GALC: variants seen among roughly 807,000 people sequenced by gnomAD.
GALC encodes the protein galactosylceramidase.
Under a neutral mutation model 91.8 loss-of-function variants are expected in GALC, and 77 were observed. The observed-to-expected ratio is 0.84, with a 90% CI of 0.70 to 1.01. The LOEUF (loss-of-function observed/expected upper bound fraction) is 1.01, where lower values mean the gene tolerates loss of function less well. Ranked by LOEUF, GALC falls within the 50% of genes least tolerant of loss-of-function variation. The probability of loss-of-function intolerance (pLI) is 0.00; values close to 1 mark genes in which losing one functional copy is unlikely to be tolerated. For missense variants in GALC, 882 were observed against 855.9 expected (o/e 1.03, Z -0.38); for synonymous variants, 357 against 306.7 (o/e 1.16, Z -1.71).
chr14:87,958,403 C>T (rs542011491), intron 10 of GALC, among the ~76,000 whole-genome samples: 1 of 152,128 alleles, frequency 6.6e-6, no homozygotes, highest in African/African-American at 2.4e-5. Flanking sequence ...ATATTGTTAA[C>T]ACAGCCATAT....
At chr14:87,984,586 C>T in intron 4 of GALC, 53 bp from the exon 5 acceptor site, 1 of 1,601,320 alleles carries the variant, frequency 6.2e-7, no homozygotes, top group South Asian at 1.1e-5. Flanking sequence ...GGTGCTGGCG[C>T]TATTGAAAAT....
At chr14:87,947,012 C>T (rs1885099766) in intron 13 of GALC, among the ~76,000 whole-genome samples, 2 of 151,920 alleles carry the variant, frequency 1.3e-5, no homozygotes, top group South Asian at 2.1e-4. Flanking sequence ...GATGCTCCAG[C>T]AATGCCAGCT....
intron 16 of GALC, among the ~76,000 whole-genome samples, chr14:87,935,098 A>T (rs390474): frequency 6.6e-6 from 1 of 152,026 alleles, no homozygotes; most frequent in Non-Finnish European, 1.5e-5. Context: ...TCGTTCCCAA[A>T]GTACAAGGAA....
chr14:87,974,759 T>C (rs1164378727), intron 7 of GALC, among the ~76,000 whole-genome samples: 1 of 151,742 alleles, frequency 6.6e-6, no homozygotes, highest in Non-Finnish European at 1.5e-5. Flanking sequence ...CCCAAAAAAA[T>C]GTAAATAATA....
chr14:87,935,836 G>C (rs1884546518), intron 16 of GALC, among the ~76,000 whole-genome samples: 1 of 151,988 alleles, frequency 6.6e-6, no homozygotes, highest in Non-Finnish European at 1.5e-5. Flanking sequence ...TGGAAACACT[G>C]AGGCTTAATA....
In GALC at chr14:87,993,102, C is replaced by T. The variant is rs756641128; in HGVS notation, c.63G>A (p.Ala21=). 17 of 1,587,670 alleles carry T rather than the reference C, an allele frequency of 1.1e-5. No homozygotes were observed. Among genetic ancestry groups the T allele is most frequent in the Admixed American group, 1.8e-5 (1 of 56,622 alleles). The change falls in exon 1 of 17, where the codon GCG becomes GCA. Residue 21 remains alanine (A), a synonymous_variant. Transcript: ENST00000261304. ...QRRAKAMTAA[A]GSAGRAAVPL... The stretch of plus-strand genomic sequence containing the variant: ...GCACCGCGGCGCGGCCCGCCGAACC[C>T]GCGGCCGCAGTCATAGCTTTCGCTC...
At chr14:87,959,329 T>C (rs1885698645) in intron 10 of GALC, among the ~76,000 whole-genome samples, 1 of 152,090 alleles carries the variant, frequency 6.6e-6, no homozygotes, top group Non-Finnish European at 1.5e-5. Flanking sequence ...AAACAAGTGT[T>C]GGTGAGGATG....
intron 14 of GALC, among the ~76,000 whole-genome samples, chr14:87,945,316 G>T (rs577506485): frequency 6.6e-6 from 1 of 152,002 alleles, no homozygotes; most frequent in African/African-American, 2.4e-5. Context: ...GAATCAAATT[G>T]CTCCTGTAAT....
chr14:87,952,989 C>A, intron 10 of GALC: 1 of 1,013,422 alleles, frequency 9.9e-7, no homozygotes, highest in Non-Finnish European at 1.6e-6. Flanking sequence ...AAATTTGTTT[C>A]AGTTAGACCA....
In GALC at chr14:87,947,623, G is replaced by A. The variant is rs942715368; in HGVS notation, c.1489+105C>T. On this transcript the variant is annotated intron_variant, in intron 13 of 16. Transcript: ENST00000261304. ...TATGAGATGTAGGAGGTAAATGAAT[G>A]TGCTTTTGACAGCCACTCCATCATG... 4.7e-6 allele frequency: 5 copies of A among 1,071,182 alleles called. No individual in the cohort carries two copies. The African/African-American group carries it at 7.8e-5, about 17-fold the overall frequency. The allele number at this position is 1,071,182 out of a possible 1,614,324, so 66.4% of individuals were successfully genotyped here. A position where few individuals can be genotyped will look rare whatever the true frequency, so the allele number is the denominator to read the frequency against.
At chr14:87,947,659 G>C (rs1885125957) in intron 13 of GALC, 69 bp downstream of exon 13, 4 of 1,454,290 alleles carry the variant, frequency 2.8e-6, no homozygotes, top group Admixed American at 3.4e-5. Flanking sequence ...CACCCAGTTT[G>C]ACAGGTAGAA....
intron 1 of GALC, chr14:87,989,531 G>A (rs75954997): frequency 0.11 from 17,217 of 152,142 alleles, 1,148 homozygotes; most frequent in Non-Finnish European, 0.16. Context: ...TGAACTTGCT[G>A]TCTCAGTAAC....
At chr14:87,940,072 G>T in intron 15 of GALC, 91 bp from the exon 16 acceptor site, 2 of 991,018 alleles carry the variant, frequency 2.0e-6, no homozygotes, top group Non-Finnish European at 3.2e-6. Context: ...AGTGGCATCT[G>T]TATGTAGTAA....
intron 6 of GALC, chr14:87,980,487 T>A (rs1007413057): frequency 1.0e-6 from 1 of 982,602 alleles, no homozygotes; most frequent in Admixed American, 6.2e-5. Flanking sequence ...GACTTGTTTT[T>A]CCCCCATATC....
rs926861714 is a variant in GALC, at chr14:87,982,199, A to G, written c.621+6T>C. 3 of 1,511,010 alleles carry G rather than the reference A, an allele frequency of 2.0e-6. No homozygotes were observed. The highest frequency in any genetic ancestry group is 2.8e-6 in the Non-Finnish European group (3 of 1,089,238). The allele number at this position is 1,511,010 out of a possible 1,614,324, so 93.6% of individuals were successfully genotyped here. A position where few individuals can be genotyped will look rare whatever the true frequency, so the allele number is the denominator to read the frequency against. ...AAAAACAAAAAGATACTAAAGTTGT[A>G]CACACCTTAATATAATTGGCATTAT... On this transcript the variant is annotated splice_donor_region_variant and intron_variant, in intron 6 of 16. Transcript: ENST00000261304.
At chr14:87,936,270 T>G (rs139169728) in intron 16 of GALC, among the ~76,000 whole-genome samples, 1 of 152,172 alleles carries the variant, frequency 6.6e-6, no homozygotes, top group Non-Finnish European at 1.5e-5. Flanking sequence ...CTTTATCTCA[T>G]GACTCTATTT....
At chr14:87,980,174 A>AG in intron 6 of GALC, among the ~76,000 whole-genome samples, 1 of 152,140 alleles carries the variant, frequency 6.6e-6, no homozygotes, top group African/African-American at 2.4e-5. Context: ...CAAGGTCAAG[A>AG]ATTCAAGACC....
intron 16 of GALC, among the ~76,000 whole-genome samples, chr14:87,936,894 T>A (rs560147370): frequency 0.013 from 167 of 12,466 alleles, 2 homozygotes; most frequent in African/African-American, 0.024. Context: ...ACATATCAGG[T>A]ACTATATATA....
At chr14:87,949,501 G>A (rs3213915) in intron 12 of GALC, among the ~76,000 whole-genome samples, 24,145 of 151,972 alleles carry the variant, frequency 0.16, 2,124 homozygotes, top group Non-Finnish European at 0.2. Flanking sequence ...CTGAAATCCA[G>A]GAGAGCGATA....
Sources: allele counts gnomAD v4.1 joint callset (sites outside exome capture counted in the v4.1 genomes callset), GRCh38; gene constraint gnomAD v4.1.1; transcripts MANE v1.5; gene names NCBI Gene and HGNC (gene_info 2026-07-23, HGNC 2026-07-21).